TENM4: variants seen among roughly 807,000 people sequenced by gnomAD.
TENM4 encodes teneurin transmembrane protein 4.
Under a neutral mutation model 243.3 loss-of-function variants are expected in TENM4, and 82 were observed. The ratio of observed to expected loss-of-function variants is 0.34; its 90% CI spans 0.28 to 0.40. The LOEUF (loss-of-function observed/expected upper bound fraction) is 0.40, where lower values mean the gene tolerates loss of function less well. Ranked by LOEUF, TENM4 falls within the 10% of genes least tolerant of loss-of-function variation. The probability of loss-of-function intolerance (pLI) is 1.00; values close to 1 mark genes in which losing one functional copy is unlikely to be tolerated. For missense variants in TENM4, 3,138 were observed against 3,673.3 expected (o/e 0.85, Z 3.77); for synonymous variants, 1,412 against 1,456.3 (o/e 0.97, Z 0.69).
intron 2 of TENM4, among the ~76,000 whole-genome samples, chr11:79,217,375 G>T (rs1864073141): frequency 6.6e-6 from 1 of 152,048 alleles, no homozygotes; most frequent in South Asian, 2.1e-4. Flanking sequence ...CTAGGCTAAA[G>T]AATAAGGCAT....
chr11:78,865,026 A>G (rs1188097004), intron 9 of TENM4, among the ~76,000 whole-genome samples: 2 of 152,232 alleles, frequency 1.3e-5, no homozygotes, highest in African/African-American at 4.8e-5. Flanking sequence ...GACAGGCAGT[A>G]TGTGGGGGAA....
chr11:78,992,455 T>C (rs1858069886), intron 6 of TENM4, among the ~76,000 whole-genome samples: 1 of 152,230 alleles, frequency 6.6e-6, no homozygotes, highest in Non-Finnish European at 1.5e-5. Context: ...CACTGTGCAT[T>C]GCTTTAGGTT....
At chr11:78,729,337 C>A in intron 22 of TENM4, 39 bp downstream of exon 22, 1 of 1,540,122 alleles carries the variant, frequency 6.5e-7, no homozygotes, top group Non-Finnish European at 8.8e-7. Context: ...GTCCTCCCTG[C>A]AAGAGCTATT....
intron 1 of TENM4, among the ~76,000 whole-genome samples, chr11:79,403,216 C>T (rs1028593993): frequency 7.9e-5 from 12 of 152,186 alleles, no homozygotes; most frequent in Admixed American, 1.3e-4. Context: ...TACTAACCAA[C>T]GATTCTCCCA....
At chr11:78,969,938 T>C (rs1309039056) in intron 6 of TENM4, among the ~76,000 whole-genome samples, 2 of 152,266 alleles carry the variant, frequency 1.3e-5, no homozygotes, top group African/African-American at 4.8e-5. Flanking sequence ...AGTGGCACAC[T>C]GCCCTGATGG....
At chr11:79,233,293 G>A (rs1304788743) in intron 2 of TENM4, among the ~76,000 whole-genome samples, 4 of 152,208 alleles carry the variant, frequency 2.6e-5, no homozygotes, top group Non-Finnish European at 4.4e-5. Context: ...CAGTAAACAT[G>A]TATTGGACAG....
At chr11:78,896,193 C>T (rs924219947) in intron 7 of TENM4, among the ~76,000 whole-genome samples, 9 of 152,176 alleles carry the variant, frequency 5.9e-5, no homozygotes, top group East Asian at 3.8e-4. Flanking sequence ...CACAAAGCCA[C>T]GGGACAGCCA....
intron 15 of TENM4, among the ~76,000 whole-genome samples, chr11:78,801,092 G>C (rs1437008303): frequency 1.3e-5 from 2 of 152,102 alleles, no homozygotes; most frequent in Non-Finnish European, 2.9e-5. Flanking sequence ...AGAGAGATAA[G>C]AATGGCAACA....
chr11:79,114,099 C>A (rs188341327), intron 4 of TENM4, among the ~76,000 whole-genome samples: 1 of 152,150 alleles, frequency 6.6e-6, no homozygotes, highest in South Asian at 2.1e-4. Flanking sequence ...TCTATCTCAA[C>A]GCCTTGCTGC....
At chr11:78,838,550 C>T (rs535629358) in intron 12 of TENM4, among the ~76,000 whole-genome samples, 87 of 152,126 alleles carry the variant, frequency 5.7e-4, no homozygotes, top group Middle Eastern at 3.4e-3. Flanking sequence ...CTCTTTAATC[C>T]GTCTGAAATT....
At chr11:79,310,733 C>A (rs1179834026) in intron 1 of TENM4, among the ~76,000 whole-genome samples, 3 of 152,184 alleles carry the variant, frequency 2.0e-5, no homozygotes, top group Admixed American at 1.3e-4. Context: ...ATTATTTCCC[C>A]ATCCCCTTCA....
chr11:79,383,516 G>A (rs1346173140), intron 1 of TENM4, among the ~76,000 whole-genome samples: 2 of 152,152 alleles, frequency 1.3e-5, no homozygotes, highest in Non-Finnish European at 1.5e-5. Flanking sequence ...AGGGAGCTGC[G>A]ATATTTCAGG....
chr11:78,856,099 C>A lies in TENM4; in HGVS notation c.1335G>T (p.Lys445Asn). Residue 445 changes from lysine (K) to asparagine (N), a missense_variant, in exon 11 of 34, where the codon AAG becomes AAT. Transcript: ENST00000278550. ...EIDVGRRASQ[K>N]IPPGTFWRSQ... ...ATCTCCAGAAAGTGCCAGGAGGAAT[C>A]TTCTGGGAAGCTCGCCTTCCCACAT... The A allele has an allele frequency of 6.4e-7, 1 of 1,551,706 alleles. No homozygotes were observed. The highest frequency in any genetic ancestry group is 1.2e-5 in the South Asian group (1 of 84,056).
rs1018077557 is a variant in TENM4, at chr11:78,862,859, T to G, written c.1255+103A>C. On this transcript the variant is annotated intron_variant, in intron 10 of 33. Coordinates refer to ENST00000278550, the MANE Select transcript of TENM4 (RefSeq NM_001098816.3). ...GAAGGATGGAGGGAGCGCCAGAGCATGGAGCTGTGAGCCAGGCACATGATG... is the reference window on the plus strand; with the variant it reads ...GAAGGATGGAGGGAGCGCCAGAGCAGGGAGCTGTGAGCCAGGCACATGATG... 55 of 1,201,770 alleles carry G rather than the reference T, an allele frequency of 4.6e-5. No individual in the cohort carries two copies. The African/African-American group carries it at 8.6e-4, about 19-fold the overall frequency. The allele number at this position is 1,201,770 out of a possible 1,614,324, so 74.4% of individuals were successfully genotyped here. A position where few individuals can be genotyped will look rare whatever the true frequency, so the allele number is the denominator to read the frequency against.
chr11:78,931,209 G>A (rs956414041), intron 6 of TENM4, among the ~76,000 whole-genome samples: 3 of 152,270 alleles, frequency 2.0e-5, no homozygotes, highest in South Asian at 2.1e-4. Context: ...CCCTGTCCAC[G>A]ATTTCCCCAT....
At chr11:79,047,446 T>C (rs1186273133) in intron 6 of TENM4, among the ~76,000 whole-genome samples, 3 of 152,248 alleles carry the variant, frequency 2.0e-5, no homozygotes, top group Non-Finnish European at 2.9e-5. Context: ...AGCTCACTCG[T>C]GCTCTCTGGG....
chr11:78,987,119 TATCA>T (rs1416361904), intron 6 of TENM4, among the ~76,000 whole-genome samples: 2 of 152,228 alleles, frequency 1.3e-5, no homozygotes, highest in African/African-American at 2.4e-5. Context: ...ATTATTTCTC[TATCA>T]ATCATAGTTT....
chr11:79,395,472 G>A (rs1858323948), intron 1 of TENM4, among the ~76,000 whole-genome samples: 4 of 152,194 alleles, frequency 2.6e-5, no homozygotes, highest in Admixed American at 2.6e-4. Context: ...TCCTGAAGAG[G>A]ACCGGGCATA....
At chr11:78,726,579 G>C (rs1262031610) in intron 22 of TENM4, among the ~76,000 whole-genome samples, 1 of 152,208 alleles carries the variant, frequency 6.6e-6, no homozygotes, top group African/African-American at 2.4e-5. Flanking sequence ...CAGTGTTGGA[G>C]GTGGGGCCTG....
Sources: gnomAD v4.1 joint callset for allele counts (sites outside exome capture counted in the v4.1 genomes callset) on GRCh38, gnomAD v4.1.1 for gene constraint, MANE v1.5 for transcripts, NCBI Gene and HGNC (gene_info 2026-07-23, HGNC 2026-07-21) for gene names.